Variants in IMMP2L observed in about 807,000 individuals in gnomAD.
IMMP2L encodes the protein inner mitochondrial membrane peptidase subunit 2, also known as mitochondrial inner membrane protease subunit 2.
IMMP2L carries 18 observed loss-of-function variants against 19.3 expected under a neutral mutation model. The observed-to-expected ratio is 0.93, with a 90% CI of 0.64 to 1.38. IMMP2L has a LOEUF of 1.38. Ranked by LOEUF, IMMP2L falls within the 40% of genes most tolerant of loss-of-function variation. The pLI is 0.00. For missense variants in IMMP2L, 233 were observed against 218.2 expected, an observed-to-expected ratio of 1.07 and a Z score of -0.43; for synonymous variants, 76 against 73.0, an observed-to-expected ratio of 1.04 and a Z score of -0.21.
At chr7:111,501,858 A>G (rs1352426198) in intron 2 of IMMP2L, among the ~76,000 whole-genome samples, 4 of 152,202 alleles carry the variant, frequency 2.6e-5, no homozygotes, top group African/African-American at 2.4e-5. Context: ...GGTACCAGCC[A>G]CTGCAAAACA....
intron 2 of IMMP2L, among the ~76,000 whole-genome samples, chr7:111,517,825 G>A (rs1418513532): frequency 2.0e-5 from 3 of 151,990 alleles, no homozygotes; most frequent in Non-Finnish European, 2.9e-5. Flanking sequence ...TAACCTTTCA[G>A]CAACCAGTAA....
chr7:110,840,404 T>C (rs1386089970), intron 5 of IMMP2L, among the ~76,000 whole-genome samples: 1 of 152,118 alleles, frequency 6.6e-6, no homozygotes, highest in Admixed American at 6.6e-5. Flanking sequence ...CTCTATAACA[T>C]ATAAAAATAA....
chr7:111,003,318 T>C (rs1010459451), intron 3 of IMMP2L, among the ~76,000 whole-genome samples: 8 of 152,182 alleles, frequency 5.3e-5, no homozygotes, highest in African/African-American at 1.9e-4. Flanking sequence ...TCACATAGTA[T>C]ATAAATTATA....
At chr7:111,420,890 A>G (rs986455835) in intron 3 of IMMP2L, among the ~76,000 whole-genome samples, 1 of 151,854 alleles carries the variant, frequency 6.6e-6, no homozygotes, top group African/African-American at 2.4e-5. Flanking sequence ...CCTTTATAGT[A>G]GCATGATTTA....
intron 4 of IMMP2L, chr7:110,962,934 C>T: frequency 7.1e-7 from 1 of 1,410,004 alleles, no homozygotes; most frequent in Non-Finnish European, 9.2e-7. Context: ...TGCTGAATGT[C>T]AACAATTGTT....
chr7:110,797,163 A>G lies in IMMP2L; in HGVS notation c.408+89430T>C, dbSNP rs140291515. 1.7e-3 allele frequency among the ~76,000 whole-genome samples: 251 copies of G among 152,078 alleles called. 1 individual carries two copies. The highest frequency in any genetic ancestry group is 5.7e-3 in the African/African-American group (236 of 41,540). On this transcript the variant is annotated intron_variant, in intron 5 of 5. Coordinates refer to ENST00000405709, the MANE Select transcript of IMMP2L (RefSeq NM_032549.4). ...TCATGATCCTTTTCCTCAGGAAGCAACAGTTCTGTCTTTGCTTCTGTCTCA... is the reference window on the plus strand; with the variant it reads ...TCATGATCCTTTTCCTCAGGAAGCAGCAGTTCTGTCTTTGCTTCTGTCTCA...
intron 3 of IMMP2L, among the ~76,000 whole-genome samples, chr7:111,424,786 C>T (rs1835905884): frequency 6.6e-6 from 1 of 151,750 alleles, no homozygotes; most frequent in African/African-American, 2.4e-5. Context: ...AAAACCAAAA[C>T]ATTTGAAACA....
chr7:111,442,869 A>G (rs1405426516), intron 3 of IMMP2L, among the ~76,000 whole-genome samples: 4 of 151,928 alleles, frequency 2.6e-5, no homozygotes, highest in African/African-American at 9.7e-5. Context: ...CTGTGAATAA[A>G]AAATCCAAAT....
At chr7:110,953,207 T>C (rs561198222) in intron 4 of IMMP2L, among the ~76,000 whole-genome samples, 1 of 152,294 alleles carries the variant, frequency 6.6e-6, no homozygotes, top group East Asian at 1.9e-4. Flanking sequence ...GGGGTACATG[T>C]GCTGAATGGG....
rs371527755 is a variant in IMMP2L at position 110,911,949 on chromosome 7, G to A, written c.306-25254C>T. Among the ~76,000 whole-genome samples the A allele has an allele frequency of 7.9e-5, 12 of 152,100 alleles. No homozygotes were observed. In the South Asian group the frequency reaches 1.5e-3, roughly 18 times the overall value. On this transcript the variant is annotated intron_variant, in intron 4 of 5. Transcript: ENST00000405709. ...ATTCAGAATTTTCTCCTTTTAAAAGGTAGAAGGAGTTCCTAGAGGAAGAAA... is the reference window on the plus strand; with the variant it reads ...ATTCAGAATTTTCTCCTTTTAAAAGATAGAAGGAGTTCCTAGAGGAAGAAA...
At chr7:111,015,276 G>A (rs929659374) in intron 3 of IMMP2L, among the ~76,000 whole-genome samples, 6 of 152,050 alleles carry the variant, frequency 3.9e-5, no homozygotes, top group Non-Finnish European at 2.9e-5. Flanking sequence ...CTTTGAAAAC[G>A]TTATGCTGAG....
intron 3 of IMMP2L, among the ~76,000 whole-genome samples, chr7:111,272,956 GA>G (rs1818629346): frequency 6.6e-6 from 1 of 152,026 alleles, no homozygotes; most frequent in Admixed American, 6.6e-5. Context: ...AGAGTATAAA[GA>G]ACATTACAAA....
At chr7:110,769,854 T>C (rs551399022) in intron 5 of IMMP2L, among the ~76,000 whole-genome samples, 2 of 152,274 alleles carry the variant, frequency 1.3e-5, no homozygotes, top group South Asian at 4.1e-4. Flanking sequence ...TTCTACTGTA[T>C]CTCCTGCTGG....
At chr7:111,470,799 A>ACAC (rs1373696313) in intron 3 of IMMP2L, among the ~76,000 whole-genome samples, 2 of 151,006 alleles carry the variant, frequency 1.3e-5, no homozygotes, top group Non-Finnish European at 3.0e-5. Flanking sequence ...TGGGTGCAGC[A>ACAC]CACCAGCATG....
intron 5 of IMMP2L, among the ~76,000 whole-genome samples, chr7:110,855,700 T>C: frequency 6.6e-6 from 1 of 152,032 alleles, no homozygotes; most frequent in Non-Finnish European, 1.5e-5. Context: ...AATTTATCCC[T>C]TCTCTTTCTT....
chr7:110,839,475 G>C (rs7804919), intron 5 of IMMP2L, among the ~76,000 whole-genome samples: 8,025 of 152,052 alleles, frequency 0.053, 719 homozygotes, highest in African/African-American at 0.18. Flanking sequence ...CCTTACAAGA[G>C]AATGTTGAGT....
chr7:110,795,708 C>G (rs1800818445), intron 5 of IMMP2L, among the ~76,000 whole-genome samples: 1 of 152,106 alleles, frequency 6.6e-6, no homozygotes, highest in African/African-American at 2.4e-5. Context: ...CCTTGTACAA[C>G]TGAACCAGGG....
intron 3 of IMMP2L, among the ~76,000 whole-genome samples, chr7:111,346,517 G>A (rs563181613): frequency 5.9e-5 from 9 of 152,140 alleles, no homozygotes; most frequent in African/African-American, 1.9e-4. Context: ...AATGATCCAG[G>A]AAAAAGTGTG....
chr7:110,952,146 A>G (rs182248076), intron 4 of IMMP2L, among the ~76,000 whole-genome samples: 13 of 151,976 alleles, frequency 8.6e-5, no homozygotes, highest in African/African-American at 3.1e-4. Flanking sequence ...ATTGACAGAG[A>G]AAAAAAACAT....
Sources: allele counts gnomAD v4.1 joint callset (sites outside exome capture counted in the v4.1 genomes callset), GRCh38; gene constraint gnomAD v4.1.1; transcripts MANE v1.5; gene names NCBI Gene and HGNC (gene_info 2026-07-23, HGNC 2026-07-21).